The following PLAA variants were observed in gnomAD, a reference collection of about 807,000 sequenced individuals.
PLAA encodes the protein phospholipase A2 activating protein, also known as phospholipase A-2-activating protein.
A neutral mutation model predicts 84.1 loss-of-function variants in PLAA; 48 were observed. That is an observed-to-expected ratio of 0.57 (90% CI 0.45 to 0.73). The LOEUF is 0.73. Among genes scored for constraint, PLAA ranks in the 30% least tolerant of loss-of-function variants. The probability of loss-of-function intolerance (pLI) is 0.00; values close to 1 mark genes in which losing one functional copy is unlikely to be tolerated. For missense variants in PLAA, 903 were observed against 954.7 expected (o/e 0.95, Z 0.71); for synonymous variants, 392 against 336.6 (o/e 1.16, Z -1.80).
intron 7 of PLAA, among the ~76,000 whole-genome samples, chr9:26,922,950 G>C (rs1824816437): frequency 6.6e-6 from 1 of 152,040 alleles, no homozygotes; most frequent in Non-Finnish European, 1.5e-5. Context: ...TCTAAGTGTT[G>C]GGAGATTTAT....
At chr9:26,914,950 C>G (rs555699029) in intron 10 of PLAA, among the ~76,000 whole-genome samples, 4 of 151,982 alleles carry the variant, frequency 2.6e-5, no homozygotes, top group African/African-American at 9.7e-5. Flanking sequence ...TGGTGGCTCA[C>G]GCCTGTAAAC....
chr9:26,928,225 G>A lies in PLAA; in HGVS notation c.445-5C>T, dbSNP rs768815508. The A allele has an allele frequency of 7.4e-6, 12 of 1,613,956 alleles. No homozygotes were observed. In the East Asian group the frequency reaches 2.7e-4, roughly 36 times the overall value. On this transcript the variant is annotated splice_polypyrimidine_tract_variant and splice_region_variant and intron_variant, in intron 3 of 13. Transcript: ENST00000397292. ...CCACACTGCAGCTGTATGACCCTGT[G>A]AGTAAAATGAGTATCAATTTAAGTT...
chr9:26,923,452 G>C, intron 6 of PLAA, 105 bp from the exon 7 acceptor site: 1 of 845,922 alleles, frequency 1.2e-6, no homozygotes, highest in Non-Finnish European at 1.8e-6. Context: ...GTGAATATGA[G>C]AAATATTAGC....
chr9:26,904,997 C>G lies in PLAA; in HGVS notation c.*514G>C, dbSNP rs1824183634. ...TATAAATGACAAATCAAGAAATTATCTTATATTGTTTTAATATATGAATTT... is the reference window on the plus strand; with the variant it reads ...TATAAATGACAAATCAAGAAATTATGTTATATTGTTTTAATATATGAATTT... On this transcript the variant is annotated 3_prime_UTR_variant, in exon 14 of 14. Coordinates refer to ENST00000397292, the MANE Select transcript of PLAA (RefSeq NM_001031689.3). The G allele has an allele frequency of 6.6e-6, 1 of 151,518 alleles. No homozygotes were observed. Among genetic ancestry groups the G allele is most frequent in the African/African-American group, 2.4e-5 (1 of 41,318 alleles). 9.4% of individuals were successfully genotyped at this position (151,518 alleles called of 1,614,324 possible).
Position 26,928,172 on chromosome 9 carries a change from A to C in PLAA, c.493T>G (p.Leu165Val). ...TTGTCTGCTGATCCAGTCAACATTAAGCCCTGTTCAGGTAAGATCTTTACC... is the reference window on the plus strand; with the variant it reads ...TTGTCTGCTGATCCAGTCAACATTACGCCCTGTTCAGGTAAGATCTTTACC... Reference protein sequence around the residue: ...WAVKILPEQGLMLTGSADKTV... With the variant: ...WAVKILPEQGVMLTGSADKTV... The change falls in exon 4 of 14, where the codon TTA (leucine) becomes GTA (valine). Residue 165 changes from leucine (L) to valine (V), a missense_variant. Coordinates refer to ENST00000397292, the MANE Select transcript of PLAA (RefSeq NM_001031689.3). 6.2e-7 allele frequency: 1 copy of C among 1,614,194 alleles called. No individual in the cohort carries two copies. Among genetic ancestry groups the C allele is most frequent in the Non-Finnish European group, 8.5e-7 (1 of 1,180,026 alleles).
At chr9:26,917,189 G>T in intron 9 of PLAA, 24 bp from the exon 10 acceptor site, 1 of 1,603,884 alleles carries the variant, frequency 6.2e-7, no homozygotes, top group Non-Finnish European at 8.5e-7. Context: ...ATAAAGAAAA[G>T]GCAGAAGTGC....
chr9:26,942,626 T>C (rs1441254319), intron 1 of PLAA, among the ~76,000 whole-genome samples: 1 of 152,166 alleles, frequency 6.6e-6, no homozygotes, highest in Non-Finnish European at 1.5e-5. Flanking sequence ...CTCACGCCTG[T>C]AATCCGAGCA....
chr9:26,915,595 A>G (rs1824524180), intron 10 of PLAA: 1 of 647,244 alleles, frequency 1.5e-6, no homozygotes, highest in African/African-American at 2.0e-5. Flanking sequence ...ACACTTACAC[A>G]TATTATGCTA....
In PLAA at chr9:26,907,850, A is replaced by T. The variant is rs1358156236; in HGVS notation, c.1806T>A (p.Ala602=). The T allele has an allele frequency of 4.4e-6, 7 of 1,608,440 alleles. No individual in the cohort carries two copies. Among genetic ancestry groups the T allele is most frequent in the Non-Finnish European group, 5.9e-6 (7 of 1,178,732 alleles). Residue 602 remains alanine, a synonymous_variant, in exon 13 of 14, where the codon GCT becomes GCA. Coordinates refer to ENST00000397292, the MANE Select transcript of PLAA (RefSeq NM_001031689.3). Reference sequence around the variant, plus strand: ...TTTATTTACCTTCAGGACAGTTAATAGCTTTCCACAAAATCTGAAGTTGCT... The same window carrying T: ...TTTATTTACCTTCAGGACAGTTAATTGCTTTCCACAAAATCTGAAGTTGCT... The part of the protein sequence containing the change: ...TVQQLQILWK[A]INCPEDIVFP...
chr9:26,909,207 T>C (rs1824326104), intron 12 of PLAA, among the ~76,000 whole-genome samples: 1 of 152,198 alleles, frequency 6.6e-6, no homozygotes, highest in African/African-American at 2.4e-5. Context: ...TGAAATCAAT[T>C]ATAAATGGAA....
chr9:26,919,275 G>C (rs1390259936), intron 9 of PLAA, 35 bp downstream of exon 9: 1 of 1,313,608 alleles, frequency 7.6e-7, no homozygotes, highest in Admixed American at 2.0e-5. Flanking sequence ...AACACTAATG[G>C]AACTACATAA....
intron 1 of PLAA, among the ~76,000 whole-genome samples, chr9:26,946,259 AC>A (rs1825705272): frequency 1.3e-5 from 2 of 149,838 alleles, no homozygotes; most frequent in Non-Finnish European, 3.0e-5. Flanking sequence ...CTGATTCCTA[AC>A]CTTTTTCTTC....
intron 10 of PLAA, 22 bp downstream of exon 10, chr9:26,917,075 A>C (rs767727154): frequency 1.3e-6 from 2 of 1,596,742 alleles, no homozygotes; most frequent in Non-Finnish European, 1.7e-6. Flanking sequence ...AGAAAGATAC[A>C]TGAATCAAAA....
chr9:26,937,869 T>TG (rs1180884304), intron 1 of PLAA, among the ~76,000 whole-genome samples: 1 of 106,918 alleles, frequency 9.4e-6, no homozygotes, highest in Non-Finnish European at 1.9e-5. Context: ...AAAAAAAGAC[T>TG]GAAAAAAAAA....
chr9:26,908,876 C>T (rs1050765132), intron 12 of PLAA, among the ~76,000 whole-genome samples: 2 of 152,104 alleles, frequency 1.3e-5, no homozygotes, highest in African/African-American at 4.8e-5. Flanking sequence ...AACTTTTTAG[C>T]CAATTTATGT....
intron 11 of PLAA, among the ~76,000 whole-genome samples, chr9:26,911,048 TTTC>T (rs1341674189): frequency 1.3e-5 from 2 of 152,058 alleles, no homozygotes; most frequent in East Asian, 3.9e-4. Flanking sequence ...AGTCCTAGTC[TTTC>T]TTTTTTTTTT....
At chr9:26,920,100 T>TA in intron 8 of PLAA, 127 bp downstream of exon 8, 2 of 665,282 alleles carry the variant, frequency 3.0e-6, no homozygotes, top group East Asian at 5.4e-5. Context: ...AAAAAAAGAT[T>TA]AGTTTCCCAC....
chr9:26,934,009 A>G (rs769035916), intron 2 of PLAA, among the ~76,000 whole-genome samples: 1 of 151,986 alleles, frequency 6.6e-6, no homozygotes, highest in Non-Finnish European at 1.5e-5. Flanking sequence ...GAGTCTTCCT[A>G]TGTTGCTCAG....
chr9:26,938,487 G>A (rs969418906), intron 1 of PLAA, among the ~76,000 whole-genome samples: 6 of 149,392 alleles, frequency 4.0e-5, no homozygotes, highest in South Asian at 2.1e-4. Flanking sequence ...GGGAGTTTGA[G>A]ACTTAAGTGA....
Sources: allele counts gnomAD v4.1 joint callset (sites outside exome capture counted in the v4.1 genomes callset), GRCh38; gene constraint gnomAD v4.1.1; transcripts MANE v1.5; gene names NCBI Gene and HGNC (gene_info 2026-07-23, HGNC 2026-07-21).